The following LOXHD1 variants were observed in gnomAD, a reference collection of about 807,000 sequenced individuals.
The protein encoded by LOXHD1 is lipoxygenase homology domain-containing protein 1.
In LOXHD1, 205 loss-of-function variants were observed where a neutral mutation model predicts 248.2. The observed-to-expected ratio is 0.83, with a 90% CI of 0.74 to 0.93. The LOEUF (loss-of-function observed/expected upper bound fraction) is 0.93. Among genes scored for constraint, LOXHD1 ranks in the 40% least tolerant of loss-of-function variants. The pLI is 0.00. For missense variants in LOXHD1, 2,930 were observed against 2,971.6 expected (o/e 0.99, Z 0.33); for synonymous variants, 1,113 against 1,162.8 (o/e 0.96, Z 0.87).
chr18:46,641,518 C>T (rs2038962822), intron 3 of LOXHD1, among the ~76,000 whole-genome samples: 1 of 152,166 alleles, frequency 6.6e-6, no homozygotes, highest in South Asian at 2.1e-4. Context: ...TTACTGTGTG[C>T]CAGTTACTGT....
chr18:46,653,224 G>A (rs2039135119), intron 1 of LOXHD1, among the ~76,000 whole-genome samples: 8 of 152,200 alleles, frequency 5.3e-5, no homozygotes, highest in Admixed American at 4.6e-4. Context: ...TCCAGCCTGG[G>A]TGACAGAGCG....
At chr18:46,572,299 T>C (rs1280615206) in intron 14 of LOXHD1, 137 bp from the exon 15 acceptor site, 2 of 772,168 alleles carry the variant, frequency 2.6e-6, no homozygotes, top group African/African-American at 3.4e-5. Flanking sequence ...TGGGAGCATC[T>C]AGCAAAACAT....
At chr18:46,573,378 T>A (rs2037793463) in intron 14 of LOXHD1, among the ~76,000 whole-genome samples, 1 of 152,182 alleles carries the variant, frequency 6.6e-6, no homozygotes, top group Non-Finnish European at 1.5e-5. Flanking sequence ...AAGCATGAGT[T>A]TTCTAAGCCC....
intron 40 of LOXHD1, among the ~76,000 whole-genome samples, chr18:46,479,831 C>A (rs2032411846): frequency 6.6e-6 from 1 of 151,464 alleles, no homozygotes. Context: ...CAGGACTTTG[C>A]ATTCTTGAAT....
At chr18:46,626,158 C>A (rs756188477) in intron 4 of LOXHD1, among the ~76,000 whole-genome samples, 1 of 152,104 alleles carries the variant, frequency 6.6e-6, no homozygotes, top group African/African-American at 2.4e-5. Context: ...ATTGTTAATA[C>A]TGACAAAAAA....
intron 25 of LOXHD1, among the ~76,000 whole-genome samples, chr18:46,538,821 A>T (rs1291263226): frequency 6.6e-6 from 1 of 152,178 alleles, no homozygotes; most frequent in African/African-American, 2.4e-5. Context: ...AGTCTACGGT[A>T]GTGAGCATTC....
chr18:46,615,653 T>C (rs892834066), intron 5 of LOXHD1, among the ~76,000 whole-genome samples: 1 of 152,176 alleles, frequency 6.6e-6, no homozygotes, highest in Non-Finnish European at 1.5e-5. Context: ...TTGATAAGAA[T>C]GTGTATTCTC....
At chr18:46,636,640 G>C (rs2038896345) in intron 4 of LOXHD1, among the ~76,000 whole-genome samples, 1 of 152,116 alleles carries the variant, frequency 6.6e-6, no homozygotes, top group South Asian at 2.1e-4. Context: ...CCCACTTTGG[G>C]GGCTGGTGGT....
At chr18:46,652,039 GA>G (rs775505023) in intron 1 of LOXHD1, among the ~76,000 whole-genome samples, 7 of 152,222 alleles carry the variant, frequency 4.6e-5, no homozygotes, top group Non-Finnish European at 1.0e-4. Flanking sequence ...CTGTACAACA[GA>G]ATGCTACTCA....
At chr18:46,620,141 G>A (rs577571110) in intron 4 of LOXHD1, among the ~76,000 whole-genome samples, 2 of 152,314 alleles carry the variant, frequency 1.3e-5, no homozygotes, top group East Asian at 1.9e-4. Flanking sequence ...GGCCTCAGCC[G>A]TGGCTAGCTA....
intron 34 of LOXHD1, among the ~76,000 whole-genome samples, chr18:46,516,884 T>A (rs1464287028): frequency 6.6e-6 from 1 of 152,036 alleles, no homozygotes; most frequent in Non-Finnish European, 1.5e-5. Flanking sequence ...ATCACCATCA[T>A]CACTACCATC....
rs1334941311 is a variant in LOXHD1, at chr18:46,513,499, CAGAA to C, written c.5400-3688_5400-3685del. Among the ~76,000 whole-genome samples the C allele has an allele frequency of 3.9e-5, 6 of 151,908 alleles. No homozygotes were observed. The East Asian group carries it at 1.2e-3, about 30-fold the overall frequency. On this transcript the variant is annotated intron_variant, in intron 34 of 40. Coordinates refer to ENST00000642948, the MANE Select transcript of LOXHD1 (RefSeq NM_001384474.1). ...AATCCCAAGAGTCCTTATAAGAAGGCAGAAAGAGAGAGATCAACACATACACAAA... is the reference window on the plus strand; with the variant it reads ...AATCCCAAGAGTCCTTATAAGAAGGCAGAGAGAGATCAACACATACACAAA...
At chr18:46,608,893 C>T (rs1206833705) in intron 6 of LOXHD1, among the ~76,000 whole-genome samples, 1 of 152,228 alleles carries the variant, frequency 6.6e-6, no homozygotes, top group African/African-American at 2.4e-5. Context: ...AGGATGTTCA[C>T]TCAACACCCT....
chr18:46,585,163 A>G (rs1256351500), intron 12 of LOXHD1, among the ~76,000 whole-genome samples: 1 of 152,174 alleles, frequency 6.6e-6, no homozygotes, highest in Non-Finnish European at 1.5e-5. Flanking sequence ...ATCAGAAACG[A>G]GTCATCTCTT....
At chr18:46,523,056 T>A (rs57927809) in intron 31 of LOXHD1, among the ~76,000 whole-genome samples, 3 of 152,126 alleles carry the variant, frequency 2.0e-5, no homozygotes, top group African/African-American at 7.2e-5. Context: ...CAAGTGATTC[T>A]CCTCCCTCAG....
intron 23 of LOXHD1, among the ~76,000 whole-genome samples, chr18:46,544,227 G>A (rs1002763884): frequency 2.6e-5 from 4 of 152,190 alleles, no homozygotes; most frequent in African/African-American, 9.7e-5. Context: ...TTACCACTGG[G>A]TGGCCTTGGG....
At chr18:46,576,361 G>A (rs2037854832) in intron 14 of LOXHD1, among the ~76,000 whole-genome samples, 1 of 152,024 alleles carries the variant, frequency 6.6e-6, no homozygotes, top group Non-Finnish European at 1.5e-5. Flanking sequence ...GGAGAATGAG[G>A]GTTCACACTC....
At chr18:46,556,066 T>C (rs1158397306) in intron 21 of LOXHD1, among the ~76,000 whole-genome samples, 3 of 151,186 alleles carry the variant, frequency 2.0e-5, no homozygotes, top group East Asian at 4.0e-4. Context: ...GAAAATTATA[T>C]GAATTTCAAA....
intron 1 of LOXHD1, among the ~76,000 whole-genome samples, chr18:46,655,930 G>C (rs2039175583): frequency 6.6e-6 from 1 of 152,226 alleles, no homozygotes; most frequent in African/African-American, 2.4e-5. Context: ...GATGGGATCA[G>C]AACTGGGCTT....
Sources: allele counts gnomAD v4.1 joint callset (sites outside exome capture counted in the v4.1 genomes callset), GRCh38; gene constraint gnomAD v4.1.1; transcripts MANE v1.5; gene names NCBI Gene and HGNC (gene_info 2026-07-23, HGNC 2026-07-21).